GIGYF1: variants seen among roughly 807,000 people sequenced by gnomAD.
GIGYF1 encodes GRB10 interacting GYF protein 1, also known as GRB10-interacting GYF protein 1.
A neutral mutation model predicts 147.1 loss-of-function variants in GIGYF1; 84 were observed. The observed-to-expected ratio is 0.57, with a 90% CI of 0.48 to 0.68. GIGYF1 has a LOEUF of 0.68. GIGYF1 is among the 30% of genes least tolerant of loss of function. The pLI is 0.00. For synonymous variants in GIGYF1, 752 were observed against 589.5 expected, an observed-to-expected ratio of 1.28 and a Z score of -3.99; for missense variants, 1,485 against 1,393.7, an observed-to-expected ratio of 1.07 and a Z score of -1.04.
intron 25 of GIGYF1, 31 bp from the exon 26 acceptor site, chr7:100,682,024 G>A (rs769224127): frequency 6.2e-6 from 10 of 1,610,202 alleles, no homozygotes; most frequent in Non-Finnish European, 8.5e-6. Context: ...GTGAAGGTCA[G>A]GAGGCACCAG....
At chr7:100,687,207 C>A in intron 8 of GIGYF1, 91 bp downstream of exon 8, 1 of 1,461,752 alleles carries the variant, frequency 6.8e-7, no homozygotes, top group South Asian at 1.2e-5. Flanking sequence ...CAGGGCTTAT[C>A]TGGTGGGCCT....
At position 100,686,746 on chromosome 7, in the gene GIGYF1, G is replaced by A. The variant is rs764580099; in HGVS notation, c.597C>T (p.Arg199=). 5.6e-6 allele frequency: 9 copies of A among 1,613,862 alleles called. No individual in the cohort carries two copies. In the East Asian group the frequency reaches 1.1e-4, roughly 20 times the overall value. The change falls in exon 10 of 27, where the codon CGC becomes CGT. Residue 199 remains arginine (R), a synonymous_variant. Coordinates refer to ENST00000678049, the MANE Select transcript of GIGYF1 (RefSeq NM_001375765.1). Reference sequence around the variant, plus strand: ...CCTCCTCCTGTTCCTCCCGTAGGGAGCGCCAGTTCTCGCTGTCTGAGCGGG... The same window carrying A: ...CCTCCTCCTGTTCCTCCCGTAGGGAACGCCAGTTCTCGCTGTCTGAGCGGG... ...EHARSDSENW[R]SLREEQEEEE... is the part of the protein sequence containing the mutation.
chr7:100,683,023 T>G lies in GIGYF1; in HGVS notation c.2401A>C (p.Asn801His). The G allele has an allele frequency of 6.5e-7, 1 of 1,534,030 alleles. No individual in the cohort carries two copies. The highest frequency in any genetic ancestry group is 1.4e-5 in the African/African-American group (1 of 73,444). ...PREPARAQAP[N>H]HRVQLGGLGT... The stretch of plus-strand genomic sequence containing the variant: ...CCCGGCCTGCTCACCACTCGGTGGT[T>G]GGGGGCCTGGGCCCGAGCTGGCTCC... Residue 801 changes from asparagine to histidine, a missense_variant, in exon 22 of 27, where the codon AAC (asparagine) becomes CAC (histidine). Coordinates refer to ENST00000678049, the MANE Select transcript of GIGYF1 (RefSeq NM_001375765.1).
chr7:100,685,629 G>A (rs1418268834), intron 12 of GIGYF1, 148 bp from the exon 13 acceptor site: 3 of 858,760 alleles, frequency 3.5e-6, no homozygotes, highest in East Asian at 2.7e-5. Flanking sequence ...ACTAATGGCA[G>A]AGGGAATGCG....
At chr7:100,687,481 C>T (rs1433270599) in intron 7 of GIGYF1, 24 bp downstream of exon 7, 1 of 1,606,402 alleles carries the variant, frequency 6.2e-7, no homozygotes, top group Admixed American at 1.7e-5. Context: ...TGCCCGTCCC[C>T]AGGACACGCC....
Position 100,685,349 on chromosome 7 carries a change from G to A in GIGYF1, c.1187C>T (p.Ala396Val), listed in dbSNP as rs556428966. 1.3e-6 allele frequency: 2 copies of A among 1,595,576 alleles called. No homozygotes were observed. Among genetic ancestry groups the A allele is most frequent in the Admixed American group, 1.8e-5 (1 of 54,336 alleles). Residue 396 changes from alanine (A) to valine (V), a missense_variant, in exon 13 of 27, where the codon GCC becomes GTC. Coordinates refer to ENST00000678049, the MANE Select transcript of GIGYF1 (RefSeq NM_001375765.1). ...DETAEKEPPA[A>V]EDDIRGIQLS... The stretch of plus-strand genomic sequence containing the variant: ...AGGCCATCCTCCCTTCCTACCTTCG[G>A]CCGCTGGGGGCTCTTTCTCTGCAGT...
In GIGYF1 at chr7:100,686,773, G is replaced by A. The variant is rs755715406; in HGVS notation, c.570C>T (p.His190=). The change falls in exon 10 of 27, where the codon CAC becomes CAT. Residue 190 remains histidine, a synonymous_variant. Transcript: ENST00000678049. ...GCCAGTTCTCGCTGTCTGAGCGGGC[G>A]TGCTCCTTCCTTGGGCCAGCCCCTC... ...EEGGAGPRKE[H]ARSDSENWRS... is the part of the protein sequence containing the mutation. 1.3e-5 allele frequency: 21 copies of A among 1,613,926 alleles called. No homozygotes were observed. The East Asian group carries it at 1.8e-4, about 14-fold the overall frequency.
In GIGYF1 at chr7:100,681,618, T is replaced by G. The variant is rs1413531149; in HGVS notation, c.*101A>C. On this transcript the variant is annotated 3_prime_UTR_variant, in exon 27 of 27. Coordinates refer to ENST00000678049, the MANE Select transcript of GIGYF1 (RefSeq NM_001375765.1). ...AAGTGCTGGGGACCCCGCCCCTGCC[T>G]CTTCCTGTGCTCTCTGCGGGGAGCC... 2 of 1,161,632 alleles carry G rather than the reference T, an allele frequency of 1.7e-6. No homozygotes were observed. Among genetic ancestry groups the G allele is most frequent in the Non-Finnish European group, 2.4e-6 (2 of 844,852 alleles). The allele number at this position is 1,161,632 out of a possible 1,614,324, so 72.0% of individuals were successfully genotyped here.
In GIGYF1 at chr7:100,685,044, C is replaced by T. The variant is rs1805184609; in HGVS notation, c.1290+5G>A. On this transcript the variant is annotated splice_donor_5th_base_variant and intron_variant, in intron 14 of 26. Transcript: ENST00000678049. ...GGTCCCTCCCGCTTTCTCAGGCCCC[C>T]ACACCTGCTGCAGGTGCTTCAAGCC... 1.9e-6 allele frequency: 3 copies of T among 1,564,060 alleles called. No individual in the cohort carries two copies. The highest frequency in any genetic ancestry group is 1.7e-4 in the Middle Eastern group (1 of 5,982).
At chr7:100,685,578 C>A in intron 12 of GIGYF1, 97 bp from the exon 13 acceptor site, 1 of 1,354,822 alleles carries the variant, frequency 7.4e-7, no homozygotes, top group South Asian at 1.3e-5. Context: ...GCGGGTCACA[C>A]TCCCTTAGGC....
chr7:100,690,462 C>A (rs1805738041), intron 1 of GIGYF1, among the ~76,000 whole-genome samples: 1 of 152,114 alleles, frequency 6.6e-6, no homozygotes, highest in Admixed American at 6.5e-5. Flanking sequence ...CACGACTCTA[C>A]AGAAACAATT....
Position 100,683,354 on chromosome 7 carries a change from C to CCTG in GIGYF1, c.2140_2142dup (p.Gln714dup). On this transcript the variant is annotated inframe_insertion, in exon 21 of 27. Coordinates refer to ENST00000678049, the MANE Select transcript of GIGYF1 (RefSeq NM_001375765.1). ...TCCTCCTGCCGCCGCTTCTGCTCCT[C>CCTG]CTGCTGCTGCTGGCGGCGCTTCTCC... 2 of 1,613,724 alleles carry CCTG rather than the reference C, an allele frequency of 1.2e-6. No individual in the cohort carries two copies. Among genetic ancestry groups the CCTG allele is most frequent in the Non-Finnish European group, 1.7e-6 (2 of 1,179,920 alleles).
chr7:100,690,528 T>C (rs1805744394), intron 1 of GIGYF1, among the ~76,000 whole-genome samples: 1 of 152,280 alleles, frequency 6.6e-6, no homozygotes, highest in Non-Finnish European at 1.5e-5. Flanking sequence ...ATGCCTGTAA[T>C]CCCAGCACTT....
At position 100,682,762 on chromosome 7, in the gene GIGYF1, C is replaced by T. The variant is rs762912069; in HGVS notation, c.2428G>A (p.Gly810Ser). The T allele has an allele frequency of 3.1e-5, 47 of 1,528,286 alleles. No individual in the cohort carries two copies. Among genetic ancestry groups the T allele is most frequent in the Admixed American group, 1.1e-4 (5 of 46,202 alleles). 94.7% of individuals were successfully genotyped at this position (1,528,286 alleles called of 1,614,324 possible). Residue 810 changes from glycine (G) to serine (S), a missense_variant, in exon 23 of 27, where the codon GGC (glycine) becomes AGC (serine). Gly to Ser is a moderately conservative substitution (Grantham distance 56). Transcript: ENST00000678049. ...ACCCACTGGTTCAGGGGGGCAGTGC[C>T]CAGGCCCCCAAGCTGCTACAGATGG... is the stretch of plus-strand genomic sequence containing the variant. The part of the protein sequence containing the change: ...PNHRVQLGGL[G>S]TAPLNQWVSE...
At position 100,684,671 on chromosome 7, in the gene GIGYF1, G is replaced by C. The variant is rs1010065947; in HGVS notation, c.1462+52C>G. 25 of 1,612,002 alleles carry C rather than the reference G, an allele frequency of 1.6e-5. No individual in the cohort carries two copies. The Admixed American group carries it at 2.2e-4, about 14-fold the overall frequency. On this transcript the variant is annotated intron_variant, in intron 15 of 26. Transcript: ENST00000678049. ...CACTGGGGTCACAGGGTATGCCAGAGACACCCTGAACCAGAACGGCCTTGA... is the reference window on the plus strand; with the variant it reads ...CACTGGGGTCACAGGGTATGCCAGACACACCCTGAACCAGAACGGCCTTGA...
chr7:100,681,602 G>C lies in GIGYF1; in HGVS notation c.*117C>G, dbSNP rs1390832024. 6 of 905,900 alleles carry C rather than the reference G, an allele frequency of 6.6e-6. No individual in the cohort carries two copies. Among genetic ancestry groups the C allele is most frequent in the Non-Finnish European group, 9.6e-6 (6 of 626,304 alleles). The allele number at this position is 905,900 out of a possible 1,614,324, so 56.1% of individuals were successfully genotyped here. On this transcript the variant is annotated 3_prime_UTR_variant, in exon 27 of 27. Transcript: ENST00000678049. ...ATCGTGTGTTTGTAACAAGTGCTGGGGACCCCGCCCCTGCCTCTTCCTGTG... is the reference window on the plus strand; with the variant it reads ...ATCGTGTGTTTGTAACAAGTGCTGGCGACCCCGCCCCTGCCTCTTCCTGTG...
At position 100,682,097 on chromosome 7, in the gene GIGYF1, G is replaced by C. The variant is rs762022487; in HGVS notation, c.2900C>G (p.Ala967Gly). The part of the protein sequence containing the change: ...QFLERRAKQK[A>G]SQQRQQQQEA... ...CTGCTGCTGCTGCCGCTGCTGGCTGGCTTTCTGCTTGGCCCTCCGCTCCAG... is the reference window on the plus strand; with the variant it reads ...CTGCTGCTGCTGCCGCTGCTGGCTGCCTTTCTGCTTGGCCCTCCGCTCCAG... Residue 967 changes from alanine (A) to glycine (G), a missense_variant, in exon 25 of 27, where the codon GCC (alanine) becomes GGC (glycine). Coordinates refer to ENST00000678049, the MANE Select transcript of GIGYF1 (RefSeq NM_001375765.1). The C allele has an allele frequency of 3.1e-6, 5 of 1,613,382 alleles. No homozygotes were observed. The highest frequency in any genetic ancestry group is 1.1e-5 in the South Asian group (1 of 91,070).
intron 12 of GIGYF1, 105 bp from the exon 13 acceptor site, chr7:100,685,586 G>A: frequency 7.8e-7 from 1 of 1,288,272 alleles, no homozygotes; most frequent in Non-Finnish European, 1.1e-6. Flanking sequence ...CACTCCCTTA[G>A]GCCGAGTCCA....
At chr7:100,689,932 A>C (rs538107189) in intron 1 of GIGYF1, among the ~76,000 whole-genome samples, 1 of 152,256 alleles carries the variant, frequency 6.6e-6, no homozygotes, top group East Asian at 1.9e-4. Context: ...TAGAGCAGTC[A>C]CTCATTGAGG....
Sources: allele counts gnomAD v4.1 joint callset (sites outside exome capture counted in the v4.1 genomes callset), GRCh38; gene constraint gnomAD v4.1.1; transcripts MANE v1.5; gene names NCBI Gene and HGNC (gene_info 2026-07-23, HGNC 2026-07-21).